Variants in CHST4 observed in about 807,000 individuals in gnomAD.
CHST4 encodes GST-3.
For synonymous variants in CHST4, 171 were observed against 195.5 expected (o/e 0.87, Z 1.05); for missense variants, 466 against 506.0 (o/e 0.92, Z 0.76).
rs1260841187 is a variant in CHST4, at chr16:71,526,511, CTG to C, written c.-19+20_-19+21del. 6.6e-6 allele frequency: 1 copy of C among 152,292 alleles called. No homozygotes were observed. The highest frequency in any genetic ancestry group is 2.4e-5 in the African/African-American group (1 of 41,444). The allele number at this position is 152,292 out of a possible 1,614,324, so 9.4% of individuals were successfully genotyped here. On this transcript the variant is annotated intron_variant, in intron 1 of 1. Coordinates refer to ENST00000539698, the MANE Select transcript of CHST4 (RefSeq NM_001166395.2). ...AAGCCACAAGGTAAGAAGAGAATTT[CTG>C]TGTACGACTCCAATGCAGAGCCATT...
intron 1 of CHST4, among the ~76,000 whole-genome samples, chr16:71,531,673 C>T (rs2043948981): frequency 1.3e-5 from 2 of 152,088 alleles, no homozygotes; most frequent in African/African-American, 4.8e-5. Context: ...AGAACTGGCC[C>T]CAAGCAGGAT....
intron 1 of CHST4, among the ~76,000 whole-genome samples, chr16:71,532,124 T>C (rs2043953345): frequency 6.8e-6 from 1 of 146,262 alleles, no homozygotes; most frequent in African/African-American, 2.5e-5. Flanking sequence ...CTCGGCTCAC[T>C]GCAAGCTCTG....
At chr16:71,530,053 G>A (rs1490003278) in intron 1 of CHST4, among the ~76,000 whole-genome samples, 6 of 152,032 alleles carry the variant, frequency 3.9e-5, no homozygotes, top group African/African-American at 7.2e-5. Context: ...CAGGAGAATC[G>A]CTTGAATCTA....
chr16:71,528,312 C>T (rs1283166014), intron 1 of CHST4, among the ~76,000 whole-genome samples: 2 of 150,788 alleles, frequency 1.3e-5, no homozygotes, highest in African/African-American at 4.9e-5. Context: ...GGTTGGGGGG[C>T]CTTAGAATTT....
chr16:71,534,752 A>C (rs996626731), intron 1 of CHST4, among the ~76,000 whole-genome samples: 1 of 152,220 alleles, frequency 6.6e-6, no homozygotes, highest in Non-Finnish European at 1.5e-5. Context: ...CACCACAAAA[A>C]CAGCTGACCC....
At chr16:71,535,948 C>T (rs1190268663) in intron 1 of CHST4, among the ~76,000 whole-genome samples, 2 of 152,134 alleles carry the variant, frequency 1.3e-5, no homozygotes, top group Admixed American at 6.5e-5. Context: ...AGGTGCTAGA[C>T]GTAGACTTTT....
chr16:71,533,804 G>A (rs1470717587), intron 1 of CHST4, among the ~76,000 whole-genome samples: 1 of 152,116 alleles, frequency 6.6e-6, no homozygotes, highest in Non-Finnish European at 1.5e-5. Flanking sequence ...GCATTTTTGG[G>A]AGGCTGAGGC....
chr16:71,531,454 C>T lies in CHST4; in HGVS notation c.-19+4959C>T, dbSNP rs1022864666. Among the ~76,000 whole-genome samples, 5 of 152,272 alleles carry T rather than the reference C, an allele frequency of 3.3e-5. No individual in the cohort carries two copies. The Middle Eastern group carries it at 0.01, about 311-fold the overall frequency. On this transcript the variant is annotated intron_variant, in intron 1 of 1. Coordinates refer to ENST00000539698, the MANE Select transcript of CHST4 (RefSeq NM_001166395.2). ...GATGGGACTTGCTTCACAAAAGCTA[C>T]GCTTTCTACCCAGGGCAAGTGCTCA... is the stretch of plus-strand genomic sequence containing the variant.
intron 1 of CHST4, among the ~76,000 whole-genome samples, chr16:71,529,998 A>C (rs1383084228): frequency 6.6e-6 from 1 of 152,112 alleles, no homozygotes; most frequent in Admixed American, 6.5e-5. Context: ...AAATACAAAA[A>C]TTAGCTGGGC....
chr16:71,536,869 G>T lies in CHST4; in HGVS notation c.192G>T (p.Gln64His), dbSNP rs535693595. The T allele has an allele frequency of 4.0e-5, 62 of 1,560,760 alleles. 1 individual carries two copies. In the Admixed American group the frequency reaches 1.0e-3, roughly 26 times the overall value. ...CTTTTGTGGGGCAGCTTTTTGGGCA[G>T]CACCCAGATGTTTTCTACCTGATGG... ...GSSFVGQLFGQHPDVFYLMEP... is the reference protein window; with the variant it reads ...GSSFVGQLFGHHPDVFYLMEP... The change falls in exon 2 of 2, where the codon CAG becomes CAT. Residue 64 changes from glutamine to histidine, a missense_variant. Gln to His is a conservative substitution (Grantham distance 24). Coordinates refer to ENST00000539698, the MANE Select transcript of CHST4 (RefSeq NM_001166395.2).
At chr16:71,526,728 G>C (rs898285117) in intron 1 of CHST4, among the ~76,000 whole-genome samples, 1 of 152,202 alleles carries the variant, frequency 6.6e-6, no homozygotes, top group African/African-American at 2.4e-5. Flanking sequence ...GGGTCCAAAA[G>C]AGCCCAGAGA....
At chr16:71,533,495 G>A (rs1319532465) in intron 1 of CHST4, among the ~76,000 whole-genome samples, 2 of 151,536 alleles carry the variant, frequency 1.3e-5, no homozygotes, top group East Asian at 1.9e-4. Flanking sequence ...GGGCAGGTGA[G>A]GTCAGGTGCT....
chr16:71,533,286 G>A (rs953179351), intron 1 of CHST4, among the ~76,000 whole-genome samples: 11 of 151,994 alleles, frequency 7.2e-5, no homozygotes, highest in Admixed American at 3.3e-4. Flanking sequence ...TTAGCCGGGC[G>A]TGGTGGTGTG....
At chr16:71,535,330 A>G (rs917746015) in intron 1 of CHST4, among the ~76,000 whole-genome samples, 8 of 151,928 alleles carry the variant, frequency 5.3e-5, no homozygotes, top group African/African-American at 1.9e-4. Context: ...GTGCCAACAC[A>G]CTCAGCTAAT....
At chr16:71,529,843 G>A (rs2043935007) in intron 1 of CHST4, among the ~76,000 whole-genome samples, 1 of 152,142 alleles carries the variant, frequency 6.6e-6, no homozygotes, top group Admixed American at 6.5e-5. Flanking sequence ...GAAGGTCTGG[G>A]AAACAAATTA....
rs1416011369 is a variant in CHST4 at position 71,536,766 on chromosome 16, A to G, written c.89A>G (p.Asn30Ser). ...CTATTCTTCCACATGTACAGCCACA[A>G]CATCAGCTCCCTGTCTATGAAGGCA... is the stretch of plus-strand genomic sequence containing the variant. ...LALFFHMYSH[N>S]ISSLSMKAQP... is the part of the protein sequence containing the mutation. Residue 30 changes from asparagine to serine, a missense_variant, in exon 2 of 2, where the codon AAC becomes AGC. Asn to Ser is a conservative substitution (Grantham distance 46). Coordinates refer to ENST00000539698, the MANE Select transcript of CHST4 (RefSeq NM_001166395.2). The G allele has an allele frequency of 1.3e-6, 2 of 1,510,986 alleles. No homozygotes were observed. The highest frequency in any genetic ancestry group is 2.3e-5 in the Admixed American group (1 of 43,652). 93.6% of individuals were successfully genotyped at this position (1,510,986 alleles called of 1,614,324 possible). A position where few individuals can be genotyped will look rare whatever the true frequency, so the allele number is the denominator to read the frequency against.
chr16:71,534,868 C>G lies in CHST4; in HGVS notation c.-18-1792C>G, dbSNP rs192269784. ...TGGTGATATACAAATGAACACCTTA[C>G]TACTACTATGAATATTTTACAATGT... On this transcript the variant is annotated intron_variant, in intron 1 of 1. Coordinates refer to ENST00000539698, the MANE Select transcript of CHST4 (RefSeq NM_001166395.2). Among the ~76,000 whole-genome samples the G allele has an allele frequency of 1.9e-4, 29 of 152,234 alleles. 1 individual carries two copies. The highest frequency in any genetic ancestry group is 1.8e-3 in the Admixed American group (28 of 15,294).
chr16:71,538,588 TA>T lies in CHST4; in HGVS notation c.*752del, dbSNP rs1271480051. 1 of 167,060 alleles carries T rather than the reference TA, an allele frequency of 6.0e-6. No individual in the cohort carries two copies. Among genetic ancestry groups the T allele is most frequent in the Non-Finnish European group, 1.5e-5 (1 of 68,126 alleles). 10.3% of individuals were successfully genotyped at this position (167,060 alleles called of 1,614,324 possible). On this transcript the variant is annotated 3_prime_UTR_variant, in exon 2 of 2. Transcript: ENST00000539698. ...TGTTCATTTTTATGGGATCCTAAGC[TA>T]AGAATAGATGTAATCATCTTTATTG...
chr16:71,529,543 ATTTTTTTTTT>A (rs1157747412), intron 1 of CHST4, among the ~76,000 whole-genome samples: 98 of 41,364 alleles, frequency 2.4e-3, no homozygotes, highest in Non-Finnish European at 3.3e-3. Context: ...ATGCTCATCT[ATTTTTTTTTT>A]TTTTTTTTTT....
Sources: gnomAD v4.1 joint callset for allele counts (sites outside exome capture counted in the v4.1 genomes callset) on GRCh38, gnomAD v4.1.1 for gene constraint, MANE v1.5 for transcripts, NCBI Gene and HGNC (gene_info 2026-07-23, HGNC 2026-07-21) for gene names.